Variants in ADH1C observed in about 807,000 individuals in gnomAD.
ADH1C encodes alcohol dehydrogenase 1C.
A neutral mutation model predicts 35.0 loss-of-function variants in ADH1C; 26 were observed. The observed-to-expected ratio is 0.74, with a 90% CI of 0.54 to 1.03. The LOEUF (loss-of-function observed/expected upper bound fraction) is 1.03, where lower values mean the gene tolerates loss of function less well. Ranked by LOEUF, ADH1C falls within the 50% of genes least tolerant of loss-of-function variation. The pLI is 0.00. For synonymous variants in ADH1C, 170 were observed against 169.3 expected (o/e 1.00, Z -0.03); for missense variants, 413 against 465.4 (o/e 0.89, Z 1.04).
intron 8 of ADH1C, among the ~76,000 whole-genome samples, chr4:99,338,391 TTTTCTATATA>T (rs1404827284): frequency 3.7e-5 from 1 of 27,138 alleles, no homozygotes; most frequent in Non-Finnish European, 5.7e-5. Context: ...ATGAATACTG[TTTTCTATATA>T]TATATATATA....
In ADH1C at chr4:99,344,751, T is replaced by C. The variant is rs36050634; in HGVS notation, c.567+111A>G. ...TTCTGGGTCATTTTTCTACTCTTAATCGACACTTCAAATCTACAAAAATAA... is the reference window on the plus strand; with the variant it reads ...TTCTGGGTCATTTTTCTACTCTTAACCGACACTTCAAATCTACAAAAATAA... On this transcript the variant is annotated intron_variant, in intron 5 of 8. Transcript: ENST00000515683. The C allele has an allele frequency of 6.0e-3, 8,388 of 1,389,730 alleles. 376 individuals are homozygous for C. The African/African-American group carries it at 0.098, about 16-fold the overall frequency. 86.1% of individuals were successfully genotyped at this position (1,389,730 alleles called of 1,614,324 possible). A position where few individuals can be genotyped will look rare whatever the true frequency, so the allele number is the denominator to read the frequency against.
chr4:99,340,328 C>T (rs981540451), intron 7 of ADH1C, among the ~76,000 whole-genome samples: 2 of 152,064 alleles, frequency 1.3e-5, no homozygotes, highest in African/African-American at 4.8e-5. Context: ...ATAGGAGAAT[C>T]ACTTGAACCT....
At chr4:99,342,759 A>C in intron 6 of ADH1C, 36 bp downstream of exon 6, 7 of 1,613,430 alleles carry the variant, frequency 4.3e-6, no homozygotes, top group Non-Finnish European at 5.9e-6. Context: ...TCCAGGTTGC[A>C]GAGGCAGAAA....
Position 99,340,695 on chromosome 4 carries a change from A to G in ADH1C, c.844T>C (p.Cys282Arg). 6.2e-7 allele frequency: 1 copy of G among 1,612,680 alleles called. No homozygotes were observed. The highest frequency in any genetic ancestry group is 2.2e-5 in the East Asian group (1 of 44,878). ...CTTGTGCCACATGCCTCATGACAACATAACAGGGAAGCCATCTGGAATAAA... is the reference window on the plus strand; with the variant it reads ...CTTGTGCCACATGCCTCATGACAACGTAACAGGGAAGCCATCTGGAATAAA... ...RLDTMMASLL[C>R]CHEACGTSVI... is the part of the protein sequence containing the mutation. Residue 282 changes from cysteine (C) to arginine (R), a missense_variant, in exon 7 of 9, where the codon TGT becomes CGT. Physicochemically the swap from Cys to Arg is radical, Grantham distance 180. Coordinates refer to ENST00000515683, the MANE Select transcript of ADH1C (RefSeq NM_000669.5).
rs1734549339 is a variant in ADH1C, at chr4:99,347,041, T to C, written c.224A>G (p.Glu75Gly). 5 of 1,614,056 alleles carry C rather than the reference T, an allele frequency of 3.1e-6. No individual in the cohort carries two copies. The highest frequency in any genetic ancestry group is 4.2e-6 in the Non-Finnish European group (5 of 1,179,992). Residue 75 changes from glutamate (E) to glycine (G), a missense_variant, in exon 3 of 9, where the codon GAA (glutamate) becomes GGA (glycine). Glu to Gly is a moderately conservative substitution (Grantham distance 98). Transcript: ENST00000515683. The part of the protein sequence containing the change: ...ILGHEAAGIV[E>G]SVGEGVTTVK... ...TGTAGTCACCCCTTCTCCAACACTT[T>C]CCACGATGCCGGCTGCCTCATGGCC...
Position 99,345,249 on chromosome 4 carries a change from GC to G in ADH1C, c.276del (p.Leu93SerfsTer21). 1 of 1,613,908 alleles carries G rather than the reference GC, an allele frequency of 6.2e-7. No individual in the cohort carries two copies. ...TTVKPGDKVI[P>X]LFTPQCGKCR... is the part of the protein sequence containing the mutation. ...CATTTTCCACACTGAGGAGTAAAGA[GC>G]GGGATGACTTTATCACCTGCAGAGG... On this transcript the variant is annotated frameshift_variant, in exon 4 of 9. Coordinates refer to ENST00000515683, the MANE Select transcript of ADH1C (RefSeq NM_000669.5). LOFTEE classifies it high-confidence loss of function.
chr4:99,340,526 A>G (rs759520570), intron 7 of ADH1C, 49 bp downstream of exon 7: 8 of 1,602,332 alleles, frequency 5.0e-6, no homozygotes, highest in Non-Finnish European at 6.8e-6. Flanking sequence ...ATAAAAGGAG[A>G]GAAATTCTTA....
intron 1 of ADH1C, among the ~76,000 whole-genome samples, chr4:99,352,296 A>G (rs1290721562): frequency 1.3e-5 from 2 of 152,236 alleles, no homozygotes; most frequent in African/African-American, 4.8e-5. Flanking sequence ...CTTCTGATTA[A>G]AGACTTTTCT....
At chr4:99,343,812 G>A (rs2110657509) in intron 5 of ADH1C, among the ~76,000 whole-genome samples, 1 of 152,312 alleles carries the variant, frequency 6.6e-6, no homozygotes, top group East Asian at 1.9e-4. Context: ...ATTTGGAAAA[G>A]ATGTCCTCTA....
intron 3 of ADH1C, 66 bp from the exon 4 acceptor site, chr4:99,345,332 C>G (rs556714464): frequency 1.4e-6 from 2 of 1,422,602 alleles, no homozygotes; most frequent in Non-Finnish European, 1.9e-6. Context: ...AAAAACTTAA[C>G]GCTCACATGT....
At chr4:99,349,129 T>C (rs1401427193) in intron 1 of ADH1C, among the ~76,000 whole-genome samples, 4 of 140,936 alleles carry the variant, frequency 2.8e-5, no homozygotes, top group Non-Finnish European at 6.2e-5. Context: ...CTCTTGAGTT[T>C]AATTAGATCC....
intron 5 of ADH1C, among the ~76,000 whole-genome samples, chr4:99,344,066 G>A (rs910948594): frequency 2.6e-5 from 4 of 152,150 alleles, no homozygotes; most frequent in Non-Finnish European, 4.4e-5. Context: ...AATAATTATG[G>A]ATTGTGATTT....
At chr4:99,338,684 T>C (rs1662060) in intron 8 of ADH1C, among the ~76,000 whole-genome samples, 45,482 of 147,038 alleles carry the variant, frequency 0.31, 8,470 homozygotes, top group Non-Finnish European at 0.41. Context: ...TGGTGCTCTG[T>C]GGGTGCTAGT....
intron 7 of ADH1C, among the ~76,000 whole-genome samples, chr4:99,340,104 T>C (rs982313381): frequency 1.3e-5 from 2 of 152,190 alleles, no homozygotes; most frequent in Non-Finnish European, 1.5e-5. Context: ...TCCTGGTTAA[T>C]AGTGACATCA....
At chr4:99,343,092 T>A in intron 5 of ADH1C, 37 bp from the exon 6 acceptor site, 1 of 1,602,926 alleles carries the variant, frequency 6.2e-7, no homozygotes, top group East Asian at 2.2e-5. Context: ...AATTAAATAA[T>A]GTTTGTTAGA....
chr4:99,345,713 T>C (rs548965563), intron 3 of ADH1C, among the ~76,000 whole-genome samples: 1 of 152,222 alleles, frequency 6.6e-6, no homozygotes, highest in Admixed American at 6.5e-5. Flanking sequence ...GAATTTGATT[T>C]ACAACAAAAA....
In ADH1C at chr4:99,342,662, G is replaced by A. The variant is rs1579529824; in HGVS notation, c.828+133C>T. 3.1e-5 allele frequency: 44 copies of A among 1,416,226 alleles called. No homozygotes were observed. The East Asian group carries it at 9.6e-4, about 31-fold the overall frequency. The allele number at this position is 1,416,226 out of a possible 1,614,324, so 87.7% of individuals were successfully genotyped here. On this transcript the variant is annotated intron_variant, in intron 6 of 8. Transcript: ENST00000515683. ...CATAACAATAAATTAAACAAGCCAG[G>A]TAACAAAAAGATGACGGGAAATTTC...
intron 5 of ADH1C, among the ~76,000 whole-genome samples, chr4:99,343,825 T>A (rs1291153041): frequency 6.6e-6 from 1 of 152,214 alleles, no homozygotes; most frequent in African/African-American, 2.4e-5. Flanking sequence ...GTCCTCTAAA[T>A]TGTGTAAATT....
At chr4:99,348,557 T>C (rs2110662582) in intron 1 of ADH1C, among the ~76,000 whole-genome samples, 1 of 150,930 alleles carries the variant, frequency 6.6e-6, no homozygotes, top group Non-Finnish European at 1.5e-5. Context: ...TCCAAGTCTT[T>C]GCTATTGTGA....
Sources: allele counts gnomAD v4.1 joint callset (sites outside exome capture counted in the v4.1 genomes callset), GRCh38; gene constraint gnomAD v4.1.1; transcripts MANE v1.5; gene names NCBI Gene and HGNC (gene_info 2026-07-23, HGNC 2026-07-21).